CSMD1: variants seen among roughly 807,000 people sequenced by gnomAD.
CSMD1 encodes the protein CUB and sushi domain-containing protein 1.
A neutral mutation model predicts 417.5 loss-of-function variants in CSMD1; 213 were observed. That is an observed-to-expected ratio of 0.51 (90% CI 0.46 to 0.57). The LOEUF (loss-of-function observed/expected upper bound fraction) is 0.57. Ranked by LOEUF, CSMD1 falls within the 20% of genes least tolerant of loss-of-function variation. CSMD1 has a pLI of 0.00. For missense variants in CSMD1, 6,923 were observed against 4,529.7 expected (o/e 1.53, Z -15.17); for synonymous variants, 2,862 against 1,736.8 (o/e 1.65, Z -16.11).
chr8:3,270,988 T>A (rs1277419247), intron 26 of CSMD1, among the ~76,000 whole-genome samples: 1 of 152,004 alleles, frequency 6.6e-6, no homozygotes, highest in Non-Finnish European at 1.5e-5. Flanking sequence ...ACAGGTTAGT[T>A]ACATATGTAT....
At chr8:3,650,279 G>GA (rs35796175) in intron 7 of CSMD1, among the ~76,000 whole-genome samples, 3,045 of 145,608 alleles carry the variant, frequency 0.021, 113 homozygotes, top group African/African-American at 0.073. Flanking sequence ...CTCTTTCTCA[G>GA]AAAAAAAAAA....
chr8:2,985,915 G>A (rs1415937610), intron 54 of CSMD1, among the ~76,000 whole-genome samples: 1 of 146,882 alleles, frequency 6.8e-6, no homozygotes, highest in Admixed American at 6.8e-5. Flanking sequence ...AAGAAAGAAG[G>A]GAAGGGAAGG....
chr8:4,192,520 C>CT (rs11451779), intron 3 of CSMD1, among the ~76,000 whole-genome samples: 4,260 of 152,182 alleles, frequency 0.028, 217 homozygotes, highest in African/African-American at 0.097. Flanking sequence ...ACAATACCCC[C>CT]TGACCTTTCA....
At chr8:3,874,803 T>A (rs1457504449) in intron 5 of CSMD1, among the ~76,000 whole-genome samples, 1 of 152,010 alleles carries the variant, frequency 6.6e-6, no homozygotes, top group Non-Finnish European at 1.5e-5. Context: ...AGACATTAAA[T>A]AGGACACACA....
At chr8:4,791,061 A>G (rs1797659708) in intron 1 of CSMD1, among the ~76,000 whole-genome samples, 1 of 118,326 alleles carries the variant, frequency 8.5e-6, no homozygotes. Context: ...GCTAGTAGGG[A>G]GAGAGACGGT....
intron 5 of CSMD1, among the ~76,000 whole-genome samples, chr8:3,960,883 C>G (rs1166353715): frequency 6.6e-6 from 1 of 151,906 alleles, no homozygotes; most frequent in Non-Finnish European, 1.5e-5. Flanking sequence ...AATGTTTATA[C>G]AAAGCTCATA....
In CSMD1 at chr8:4,056,260, T is replaced by C. The variant is rs918209834; in HGVS notation, c.416-24161A>G. 2.6e-5 allele frequency among the ~76,000 whole-genome samples: 4 copies of C among 151,974 alleles called. No individual in the cohort carries two copies. In the East Asian group the frequency reaches 5.8e-4, roughly 22 times the overall value. On this transcript the variant is annotated intron_variant, in intron 3 of 69. Coordinates refer to ENST00000635120, the MANE Select transcript of CSMD1 (RefSeq NM_033225.6). The stretch of plus-strand genomic sequence containing the variant: ...CCACTCCTGGCTAATTTTTGTATTT[T>C]TTAGTAGAGATGGAGTTTCACCATG...
At chr8:4,745,539 T>C (rs1810896875) in intron 1 of CSMD1, among the ~76,000 whole-genome samples, 1 of 152,206 alleles carries the variant, frequency 6.6e-6, no homozygotes, top group Non-Finnish European at 1.5e-5. Flanking sequence ...CTTTTGTTTG[T>C]TCATCTGACT....
chr8:3,571,717 G>C (rs986000088), intron 10 of CSMD1, among the ~76,000 whole-genome samples: 1 of 151,952 alleles, frequency 6.6e-6, no homozygotes, highest in South Asian at 2.1e-4. Context: ...GTGTTCCTCC[G>C]TCCCTGTGCT....
At chr8:4,388,612 G>A (rs1197594573) in intron 3 of CSMD1, among the ~76,000 whole-genome samples, 1 of 152,064 alleles carries the variant, frequency 6.6e-6, no homozygotes, top group African/African-American at 2.4e-5. Flanking sequence ...ATACTGCTCA[G>A]GTGGTGGGTG....
chr8:3,472,503 T>C (rs978516184), intron 11 of CSMD1, among the ~76,000 whole-genome samples: 12 of 152,084 alleles, frequency 7.9e-5, no homozygotes, highest in African/African-American at 2.9e-4. Context: ...AAACTCCAAC[T>C]TGAGATCAAT....
chr8:4,115,444 T>G (rs867321843), intron 3 of CSMD1, among the ~76,000 whole-genome samples: 10 of 152,246 alleles, frequency 6.6e-5, no homozygotes, highest in Admixed American at 2.0e-4. Context: ...ACTGAATCTC[T>G]GAGGTATGCC....
chr8:3,353,010 A>G (rs982863077), intron 21 of CSMD1, among the ~76,000 whole-genome samples: 2 of 152,214 alleles, frequency 1.3e-5, no homozygotes, highest in African/African-American at 4.8e-5. Flanking sequence ...TCAAGATCAC[A>G]CAGGTGTGAG....
chr8:4,565,332 G>C (rs1266835800), intron 2 of CSMD1, among the ~76,000 whole-genome samples: 1 of 152,184 alleles, frequency 6.6e-6, no homozygotes, highest in African/African-American at 2.4e-5. Flanking sequence ...TGGCTAACCA[G>C]TCTGCCTAAA....
At chr8:4,295,498 A>C (rs956417695) in intron 3 of CSMD1, among the ~76,000 whole-genome samples, 1 of 122,488 alleles carries the variant, frequency 8.2e-6, no homozygotes. Flanking sequence ...GATTAAATAT[A>C]TCTTATACAC....
chr8:3,244,879 G>T (rs925894248), intron 26 of CSMD1, among the ~76,000 whole-genome samples: 11 of 152,214 alleles, frequency 7.2e-5, no homozygotes, highest in African/African-American at 2.7e-4. Flanking sequence ...TTTAGGACCT[G>T]ACTCTCAGCC....
chr8:3,668,140 T>C (rs1362859509), intron 7 of CSMD1, among the ~76,000 whole-genome samples: 2 of 152,070 alleles, frequency 1.3e-5, no homozygotes, highest in South Asian at 2.1e-4. Context: ...TTTGGACAGA[T>C]AACGAATCTA....
At chr8:4,752,627 G>C (rs1432814515) in intron 1 of CSMD1, among the ~76,000 whole-genome samples, 3 of 152,164 alleles carry the variant, frequency 2.0e-5, no homozygotes, top group Admixed American at 2.0e-4. Flanking sequence ...GCAAGAGAGA[G>C]GGGAAAATTG....
chr8:4,123,243 G>T (rs1802585997), intron 3 of CSMD1, among the ~76,000 whole-genome samples: 1 of 152,210 alleles, frequency 6.6e-6, no homozygotes, highest in South Asian at 2.1e-4. Context: ...ACAGAAACAT[G>T]TAGTAAATGA....
Sources: gnomAD v4.1 joint callset for allele counts (sites outside exome capture counted in the v4.1 genomes callset) on GRCh38, gnomAD v4.1.1 for gene constraint, MANE v1.5 for transcripts, NCBI Gene and HGNC (gene_info 2026-07-23, HGNC 2026-07-21) for gene names.